The following HIVEP1 variants were observed in gnomAD, a reference collection of about 807,000 sequenced individuals.
HIVEP1 encodes zinc finger protein 40.
In HIVEP1, 36 loss-of-function variants were observed where a neutral mutation model predicts 180.0. That is an observed-to-expected ratio of 0.20 (90% CI 0.15 to 0.26). HIVEP1 has a LOEUF of 0.26. HIVEP1 is among the 10% of genes least tolerant of loss of function. The probability of loss-of-function intolerance (pLI) is 1.00; values close to 1 mark genes in which losing one functional copy is unlikely to be tolerated. For missense variants in HIVEP1, 3,143 were observed against 3,268.7 expected (o/e 0.96, Z 0.94); for synonymous variants, 1,239 against 1,239.0 (o/e 1.00, Z 0.00).
chr6:12,209,122 T>C, the HIVEP1 span, among the ~76,000 whole-genome samples: 2 of 152,228 alleles, frequency 1.3e-5, no homozygotes, highest in African/African-American at 2.4e-5. Flanking sequence ...GCAGGTCTCC[T>C]CTGGCCACTT....
upstream of HIVEP1, among the ~76,000 whole-genome samples, chr6:12,011,840 G>T (rs1008608532): frequency 1.4e-5 from 2 of 146,052 alleles, no homozygotes; most frequent in Non-Finnish European, 3.0e-5. Context: ...CCTCGCCCCG[G>T]CCTCAACCCC....
chr6:12,168,258 G>A (rs62386828), downstream of HIVEP1, among the ~76,000 whole-genome samples: 1,192 of 32,270 alleles, frequency 0.037, 30 homozygotes, highest in African/African-American at 0.11. Flanking sequence ...ACAGATATAC[G>A]TGTATATATA....
chr6:12,197,472 T>C, the HIVEP1 span, among the ~76,000 whole-genome samples: 1 of 146,526 alleles, frequency 6.8e-6, no homozygotes, highest in African/African-American at 2.5e-5. Context: ...GACAGGAGAA[T>C]CACTTGAACC....
intron 2 of HIVEP1, among the ~76,000 whole-genome samples, chr6:12,019,823 T>C (rs1768068952): frequency 1.3e-5 from 2 of 152,288 alleles, no homozygotes; most frequent in Admixed American, 6.5e-5. Flanking sequence ...AGCCACAGGG[T>C]AACATGTATC....
rs73724360 is a variant in HIVEP1, at chr6:12,126,025, C to A, written c.6075+155C>A. Among the ~76,000 whole-genome samples, 880 of 152,018 alleles carry A rather than the reference C, an allele frequency of 5.8e-3. 6 individuals carry two copies. Among genetic ancestry groups the A allele is most frequent in the African/African-American group, 0.02 (842 of 41,462 alleles). ...TTGAAAGACAGGGTGATATATTTAC[C>A]CCAGGAGTTACATTGATAAGAGTTA... is the stretch of plus-strand genomic sequence containing the variant. On this transcript the variant is annotated intron_variant, in intron 4 of 8. Transcript: ENST00000379388.
intron 3 of HIVEP1, among the ~76,000 whole-genome samples, chr6:12,093,238 G>T (rs1773588716): frequency 6.6e-6 from 1 of 151,872 alleles, no homozygotes; most frequent in Non-Finnish European, 1.5e-5. Context: ...TGTCCATTTT[G>T]TAAAAATTGA....
rs1757782585 is a variant in HIVEP1, at chr6:12,123,012, CATA to C, written c.3220_3222del (p.Asn1074del). On this transcript the variant is annotated inframe_deletion, in exon 4 of 9. Coordinates refer to ENST00000379388, the MANE Select transcript of HIVEP1 (RefSeq NM_002114.4). The stretch of plus-strand genomic sequence containing the variant: ...GGGCTGTAATCCCAGTTTGCCTAAA[CATA>C]ATGTTACCATAAGAAGTGACCAGCA... The C allele has an allele frequency of 1.9e-6, 3 of 1,614,178 alleles. No individual in the cohort carries two copies.
intron 2 of HIVEP1, among the ~76,000 whole-genome samples, chr6:12,046,845 CTGTGTG>C (rs372934680): frequency 4.6e-4 from 65 of 141,106 alleles, no homozygotes; most frequent in Middle Eastern, 3.5e-3. Flanking sequence ...TGCCACTACA[CTGTGTG>C]TGTGTGTGTG....
At chr6:12,208,469 G>T in the HIVEP1 span, among the ~76,000 whole-genome samples, 1 of 152,248 alleles carries the variant, frequency 6.6e-6, no homozygotes, top group South Asian at 2.1e-4. Flanking sequence ...CTCCTTGCAG[G>T]GCGGTTCCAC....
At chr6:12,030,514 A>G (rs921917659) in intron 2 of HIVEP1, among the ~76,000 whole-genome samples, 1 of 152,092 alleles carries the variant, frequency 6.6e-6, no homozygotes, top group African/African-American at 2.4e-5. Flanking sequence ...CTATCTTCAA[A>G]TATATGGATT....
rs1299601588 is a variant in HIVEP1 at position 12,164,065 on chromosome 6, T to G, written c.7761T>G (p.Ser2587=). 1 of 1,614,042 alleles carries G rather than the reference T, an allele frequency of 6.2e-7. No homozygotes were observed. The highest frequency in any genetic ancestry group is 8.5e-7 in the Non-Finnish European group (1 of 1,180,044). ...GCGAGACACAACCCAAGCAGACTTCTGTAGCCAGCGCAAACCAGGTCAGCA... is the reference window on the plus strand; with the variant it reads ...GCGAGACACAACCCAAGCAGACTTCGGTAGCCAGCGCAAACCAGGTCAGCA... ...KACETQPKQT[S]VASANQVSRT... The change falls in exon 9 of 9, where the codon TCT becomes TCG. Residue 2587 remains serine, a synonymous_variant. Coordinates refer to ENST00000379388, the MANE Select transcript of HIVEP1 (RefSeq NM_002114.4).
At chr6:12,165,519 T>G (rs1304733399), downstream of HIVEP1, among the ~76,000 whole-genome samples, 1 of 152,208 alleles carries the variant, frequency 6.6e-6, no homozygotes, top group Non-Finnish European at 1.5e-5. Flanking sequence ...ACTTCTAAAT[T>G]ACTTAAGTGA....
chr6:12,135,975 A>G (rs941993345), intron 7 of HIVEP1, 83 bp downstream of exon 7: 1 of 710,850 alleles, frequency 1.4e-6, no homozygotes, highest in Non-Finnish European at 2.4e-6. Flanking sequence ...ATTCCCACTG[A>G]TTCTGCCTAA....
the HIVEP1 span, among the ~76,000 whole-genome samples, chr6:12,208,848 C>T: frequency 1.3e-5 from 2 of 152,050 alleles, no homozygotes; most frequent in South Asian, 2.1e-4. Flanking sequence ...CTTCTGTGGC[C>T]TAAGGTGCAC....
At chr6:12,042,118 GCGGGA>G (rs1289510341) in intron 2 of HIVEP1, among the ~76,000 whole-genome samples, 55 of 148,166 alleles carry the variant, frequency 3.7e-4, no homozygotes, top group Non-Finnish European at 5.5e-4. Context: ...TGTCGCCAAG[GCGGGA>G]CTGCGGACTG....
At chr6:12,080,986 C>G (rs1476137572) in intron 2 of HIVEP1, among the ~76,000 whole-genome samples, 2 of 152,110 alleles carry the variant, frequency 1.3e-5, no homozygotes, top group Non-Finnish European at 2.9e-5. Flanking sequence ...TCTCTGGGCG[C>G]TCTGACTTCC....
intron 2 of HIVEP1, among the ~76,000 whole-genome samples, chr6:12,060,538 C>G (rs535587527): frequency 6.6e-6 from 1 of 152,170 alleles, no homozygotes; most frequent in African/African-American, 2.4e-5. Flanking sequence ...CTGATTGTTT[C>G]TTGACTGTCA....
intron 2 of HIVEP1, among the ~76,000 whole-genome samples, chr6:12,088,748 C>T (rs1428825418): frequency 6.8e-6 from 1 of 147,218 alleles, no homozygotes; most frequent in Non-Finnish European, 1.6e-5. Context: ...ATCCTCGTCT[C>T]TGTTTTTCCA....
At chr6:12,107,451 G>GT (rs1774505488) in intron 3 of HIVEP1, among the ~76,000 whole-genome samples, 1 of 152,184 alleles carries the variant, frequency 6.6e-6, no homozygotes. Flanking sequence ...GTGGCTAAAG[G>GT]TTGGGTGGCT....
Sources: gnomAD v4.1 joint callset for allele counts (sites outside exome capture counted in the v4.1 genomes callset) on GRCh38, gnomAD v4.1.1 for gene constraint, MANE v1.5 for transcripts, NCBI Gene and HGNC (gene_info 2026-07-23, HGNC 2026-07-21) for gene names.